TENM3: variants seen among roughly 807,000 people sequenced by gnomAD.
The protein encoded by TENM3 is teneurin transmembrane protein 3.
In TENM3, 63 loss-of-function variants were observed where a neutral mutation model predicts 255.1. The observed-to-expected ratio is 0.25, with a 90% CI of 0.20 to 0.30. The LOEUF (loss-of-function observed/expected upper bound fraction) is 0.30. Among genes scored for constraint, TENM3 ranks in the 10% least tolerant of loss-of-function variants. The pLI, the probability that TENM3 is intolerant of heterozygous loss-of-function variation, is 1.00. For missense variants in TENM3, 2,929 were observed against 3,461.1 expected (o/e 0.85, Z 3.86); for synonymous variants, 1,306 against 1,322.3 (o/e 0.99, Z 0.27).
At chr4:182,028,202 TTGTA>T in the TENM3 span, among the ~76,000 whole-genome samples, 1 of 152,164 alleles carries the variant, frequency 6.6e-6, no homozygotes, top group Non-Finnish European at 1.5e-5. Flanking sequence ...TCTTGGTAGG[TTGTA>T]TGTGTCTAAG....
At chr4:181,842,061 C>CT in the TENM3 span, among the ~76,000 whole-genome samples, 2 of 151,688 alleles carry the variant, frequency 1.3e-5, no homozygotes, top group African/African-American at 4.8e-5. Context: ...GAGTTGAAGA[C>CT]TGATTATATG....
intron 1 of TENM3, among the ~76,000 whole-genome samples, chr4:182,307,224 G>A (rs1287711400): frequency 1.3e-5 from 2 of 152,186 alleles, no homozygotes; most frequent in African/African-American, 4.8e-5. Flanking sequence ...ATGAAAACTA[G>A]CAATCATTAC....
chr4:182,430,710 T>G (rs1363613244), intron 3 of TENM3, among the ~76,000 whole-genome samples: 1 of 151,602 alleles, frequency 6.6e-6, no homozygotes, highest in African/African-American at 2.4e-5. Context: ...AGCAGGTTTG[T>G]GTTTTTGAAA....
intron 3 of TENM3, among the ~76,000 whole-genome samples, chr4:182,544,121 G>A (rs1265103194): frequency 6.6e-6 from 1 of 152,040 alleles, no homozygotes; most frequent in Admixed American, 6.6e-5. Flanking sequence ...AGTTCAATAA[G>A]TTTATATAAC....
chr4:181,957,244 A>T, the TENM3 span, among the ~76,000 whole-genome samples: 1 of 152,200 alleles, frequency 6.6e-6, no homozygotes, highest in African/African-American at 2.4e-5. Context: ...AGCCCTGGAC[A>T]TTACTGTGTA....
intron 2 of TENM3, among the ~76,000 whole-genome samples, chr4:182,328,285 G>A (rs1312683137): frequency 6.6e-6 from 1 of 152,010 alleles, no homozygotes; most frequent in African/African-American, 2.4e-5. Context: ...GCATGATCTC[G>A]GCTCACTGCA....
the TENM3 span, among the ~76,000 whole-genome samples, chr4:182,128,551 T>C: frequency 2.0e-5 from 3 of 152,200 alleles, no homozygotes; most frequent in Non-Finnish European, 4.4e-5. Context: ...CTTCTATTGT[T>C]CCTTTTTCCC....
chr4:182,511,226 AT>A (rs759767572), intron 3 of TENM3, among the ~76,000 whole-genome samples: 110 of 152,324 alleles, frequency 7.2e-4, no homozygotes, highest in Middle Eastern at 3.4e-3. Context: ...ATAAAATCAA[AT>A]ACTATACTAA....
chr4:181,504,255 C>T, the TENM3 span, among the ~76,000 whole-genome samples: 3 of 152,186 alleles, frequency 2.0e-5, no homozygotes, highest in Non-Finnish European at 4.4e-5. Context: ...GCCGCTGCTC[C>T]CGACTGTGGA....
chr4:181,921,247 A>G, the TENM3 span, among the ~76,000 whole-genome samples: 85,598 of 151,800 alleles, frequency 0.56, 24,753 homozygotes, highest in African/African-American at 0.65. Flanking sequence ...GAACTTTAAA[A>G]TAGTTTTTTC....
the TENM3 span, among the ~76,000 whole-genome samples, chr4:181,607,720 A>C: frequency 6.6e-6 from 1 of 152,164 alleles, no homozygotes. Context: ...AAATTTAAAT[A>C]GCCGCCTGTG....
intron 3 of TENM3, among the ~76,000 whole-genome samples, chr4:182,488,753 A>T (rs1734994716): frequency 6.6e-6 from 1 of 152,130 alleles, no homozygotes; most frequent in African/African-American, 2.4e-5. Flanking sequence ...TAGTTGAGGG[A>T]TCTAGAATGA....
At chr4:182,050,448 G>T in the TENM3 span, among the ~76,000 whole-genome samples, 2 of 152,222 alleles carry the variant, frequency 1.3e-5, no homozygotes, top group Non-Finnish European at 2.9e-5. Flanking sequence ...TACAGCAAAG[G>T]CCCAGTGACA....
intron 12 of TENM3, among the ~76,000 whole-genome samples, chr4:182,694,565 G>T (rs188475268): frequency 8.2e-4 from 125 of 152,254 alleles, no homozygotes; most frequent in Non-Finnish European, 1.3e-3. Context: ...TTGGCCTAGG[G>T]GAAATCCTAA....
At chr4:181,681,712 T>A in the TENM3 span, among the ~76,000 whole-genome samples, 3 of 152,060 alleles carry the variant, frequency 2.0e-5, no homozygotes, top group East Asian at 5.8e-4. Context: ...GAAAATGAAA[T>A]TCACAGGCAA....
chr4:182,064,599 G>T, the TENM3 span, among the ~76,000 whole-genome samples: 1 of 151,784 alleles, frequency 6.6e-6, no homozygotes, highest in Non-Finnish European at 1.5e-5. Context: ...AAAGAAATTT[G>T]ACTTCATTGA....
chr4:182,165,655 C>G (rs1751655353), intron 1 of TENM3, among the ~76,000 whole-genome samples: 3 of 152,168 alleles, frequency 2.0e-5, no homozygotes, highest in African/African-American at 7.2e-5. Flanking sequence ...TATACAGCTT[C>G]CATGGGTCCC....
chr4:181,835,028 C>G, the TENM3 span: 1 of 152,164 alleles, frequency 6.6e-6, no homozygotes, highest in Non-Finnish European at 1.5e-5. Flanking sequence ...GAAGGGGGCA[C>G]CCAACAAGCC....
At chr4:182,747,021 G>A (rs990949147) in intron 19 of TENM3, among the ~76,000 whole-genome samples, 2 of 152,034 alleles carry the variant, frequency 1.3e-5, no homozygotes, top group East Asian at 1.9e-4. Context: ...CCTGCCTATC[G>A]TTACCTTCCC....
Sources: gnomAD v4.1 joint callset for allele counts (sites outside exome capture counted in the v4.1 genomes callset) on GRCh38, gnomAD v4.1.1 for gene constraint, MANE v1.5 for transcripts, NCBI Gene and HGNC (gene_info 2026-07-23, HGNC 2026-07-21) for gene names.